Variants in TBX5 observed in about 807,000 individuals in gnomAD.
TBX5 encodes T-box transcription factor 5, also known as T-box transcription factor TBX5.
In TBX5, 8 loss-of-function variants were observed where a neutral mutation model predicts 51.1. The ratio of observed to expected loss-of-function variants is 0.16; its 90% confidence interval spans 0.09 to 0.28. The LOEUF is 0.28. TBX5 is among the 10% of genes least tolerant of loss of function. The pLI, the probability that TBX5 is intolerant of heterozygous loss-of-function variation, is 1.00. For missense variants in TBX5, 589 were observed against 671.7 expected (o/e 0.88, Z 1.36); for synonymous variants, 302 against 266.4 (o/e 1.13, Z -1.30).
In TBX5 at chr12:114,393,377, C is replaced by T. The variant is rs12300510; in HGVS notation, c.663+1364G>A. On this transcript the variant is annotated intron_variant, in intron 6 of 8. Transcript: ENST00000405440. ...CTTCCAGAGCCTTCTAAGCCCAAAT[C>T]ACTGCTTAATACTCCTAACAGTCTA... Among the ~76,000 whole-genome samples the T allele has an allele frequency of 6.2e-3, 948 of 152,242 alleles. 14 individuals are homozygous for T. Among genetic ancestry groups the T allele is most frequent in the African/African-American group, 0.021 (868 of 41,530 alleles).
chr12:114,359,397 T>C (rs1869113416), intron 8 of TBX5, among the ~76,000 whole-genome samples: 1 of 152,190 alleles, frequency 6.6e-6, no homozygotes, highest in Non-Finnish European at 1.5e-5. Flanking sequence ...GCCCAATAAC[T>C]GTTCAACAGC....
intron 7 of TBX5, among the ~76,000 whole-genome samples, chr12:114,379,567 A>C (rs2136391049): frequency 6.6e-6 from 1 of 152,310 alleles, no homozygotes; most frequent in East Asian, 1.9e-4. Flanking sequence ...TGCAGCAATA[A>C]TAATCAGTAC....
chr12:114,373,490 G>A (rs144066521), intron 7 of TBX5, among the ~76,000 whole-genome samples: 38 of 152,262 alleles, frequency 2.5e-4, no homozygotes, highest in South Asian at 1.2e-3. Flanking sequence ...AGACAGTCTC[G>A]CTCTGTCGCC....
intron 7 of TBX5, among the ~76,000 whole-genome samples, chr12:114,377,721 T>A (rs1198407567): frequency 1.3e-5 from 2 of 151,954 alleles, no homozygotes; most frequent in Non-Finnish European, 2.9e-5. Flanking sequence ...ACCTAGCGAC[T>A]TTTTTTCTCT....
At chr12:114,357,936 G>A (rs1035470772) in intron 8 of TBX5, among the ~76,000 whole-genome samples, 1 of 152,154 alleles carries the variant, frequency 6.6e-6, no homozygotes, top group African/African-American at 2.4e-5. Flanking sequence ...AATAACGAGA[G>A]GAAATGATCA....
At position 114,356,013 on chromosome 12, in the gene TBX5, G is replaced by A. The variant is rs149792175; in HGVS notation, c.1076C>T (p.Pro359Leu). 1.6e-5 allele frequency: 26 copies of A among 1,614,026 alleles called. No individual in the cohort carries two copies. In the African/African-American group the frequency reaches 2.8e-4, roughly 17 times the overall value. The change falls in exon 9 of 9, where the codon CCA becomes CTA. Residue 359 changes from proline to leucine, a missense_variant. By Grantham distance (98) the Pro-to-Leu change is moderately conservative. This residue lies in a region of TBX5 where 348 missense variants were observed against 360.4 expected (regional missense o/e 0.97). Transcript: ENST00000405440. ...EEDSFYRSSYPQQQGLGASYR... is the reference protein window; with the variant it reads ...EEDSFYRSSYLQQQGLGASYR... ...GGAGGCACCCAGGCCCTGCTGCTGT[G>A]GATAGCTAGAGCGGTAGAAGGAATC...
At chr12:114,388,198 C>T (rs576468622) in intron 6 of TBX5, among the ~76,000 whole-genome samples, 46 of 152,310 alleles carry the variant, frequency 3.0e-4, no homozygotes, top group Non-Finnish European at 5.1e-4. Context: ...CACTCTGTCA[C>T]TCAGGCTGGA....
intron 6 of TBX5, among the ~76,000 whole-genome samples, chr12:114,393,278 G>C (rs574623912): frequency 2.5e-5 from 2 of 79,202 alleles, no homozygotes; most frequent in Non-Finnish European, 3.4e-5. Flanking sequence ...GAAAAGGGAG[G>C]GGCACACCAT....
intron 3 of TBX5, among the ~76,000 whole-genome samples, chr12:114,401,253 G>A (rs1475449758): frequency 6.6e-6 from 1 of 152,158 alleles, no homozygotes; most frequent in Non-Finnish European, 1.5e-5. Context: ...TATAGAGCCC[G>A]GCCGAGCCCC....
chr12:114,363,416 A>G (rs1869347960), intron 8 of TBX5, among the ~76,000 whole-genome samples: 3 of 152,232 alleles, frequency 2.0e-5, no homozygotes, highest in African/African-American at 7.2e-5. Flanking sequence ...TCCTTCAGGG[A>G]TGCATTTATA....
intron 7 of TBX5, among the ~76,000 whole-genome samples, chr12:114,382,999 C>T (rs1870597340): frequency 2.1e-5 from 3 of 141,086 alleles, no homozygotes; most frequent in East Asian, 2.1e-4. Flanking sequence ...AAAAAAAGAG[C>T]TTTTAGAAAA....
intron 5 of TBX5, among the ~76,000 whole-genome samples, chr12:114,398,134 G>A (rs1343474355): frequency 6.6e-6 from 1 of 152,188 alleles, no homozygotes; most frequent in Non-Finnish European, 1.5e-5. Flanking sequence ...CAAAGGGAGA[G>A]GGTTTGGGCC....
intron 8 of TBX5, among the ~76,000 whole-genome samples, chr12:114,358,582 T>G (rs10507247): frequency 0.096 from 14,660 of 151,974 alleles, 846 homozygotes; most frequent in South Asian, 0.18. Flanking sequence ...GCAAGTAAAC[T>G]TATTTCCACT....
chr12:114,389,848 G>GT (rs1220237044), intron 6 of TBX5, among the ~76,000 whole-genome samples: 1 of 145,410 alleles, frequency 6.9e-6, no homozygotes, highest in African/African-American at 2.6e-5. Context: ...AGTCTCAGAA[G>GT]TAAATGTCGA....
intron 8 of TBX5, among the ~76,000 whole-genome samples, chr12:114,358,773 T>G (rs1029471167): frequency 8.1e-6 from 1 of 123,074 alleles, no homozygotes; most frequent in African/African-American, 3.3e-5. Context: ...CTGTGCGGGG[T>G]TTTTTTTGTT....
chr12:114,378,800 C>A (rs746733863), intron 7 of TBX5, among the ~76,000 whole-genome samples: 1 of 152,098 alleles, frequency 6.6e-6, no homozygotes, highest in Non-Finnish European at 1.5e-5. Context: ...CCACACCCAG[C>A]TAATTTTTTG....
chr12:114,372,049 A>C (rs1294277021), intron 7 of TBX5, among the ~76,000 whole-genome samples: 1 of 152,206 alleles, frequency 6.6e-6, no homozygotes, highest in East Asian at 1.9e-4. Context: ...GAATGTGTAC[A>C]ACCTGGGCGT....
At chr12:114,402,259 AAACC>A (rs1871873678) in intron 2 of TBX5, among the ~76,000 whole-genome samples, 2 of 152,070 alleles carry the variant, frequency 1.3e-5, no homozygotes, top group Non-Finnish European at 2.9e-5. Flanking sequence ...GAATAAGAAA[AAACC>A]AACCAAACAA....
intron 7 of TBX5, among the ~76,000 whole-genome samples, chr12:114,383,441 G>C (rs1474428655): frequency 6.6e-6 from 1 of 152,188 alleles, no homozygotes; most frequent in Non-Finnish European, 1.5e-5. Flanking sequence ...AACCTAGGGG[G>C]GTGGCCAGGC....
Sources: gnomAD v4.1 joint callset for allele counts (sites outside exome capture counted in the v4.1 genomes callset) on GRCh38, gnomAD v4.1.1 for gene constraint, gnomAD v4.1.1 regional missense constraint, MANE v1.5 for transcripts, NCBI Gene and HGNC (gene_info 2026-07-23, HGNC 2026-07-21) for gene names.